The following IFI30 variants were observed in gnomAD, a reference collection of about 807,000 sequenced individuals.
The protein encoded by IFI30 is gamma-interferon-inducible lysosomal thiol reductase.
IFI30 carries 26 observed loss-of-function variants against 30.1 expected under a neutral mutation model. That is an observed-to-expected ratio of 0.87 (90% CI 0.63 to 1.20). IFI30 has a LOEUF of 1.20. Ranked by LOEUF, IFI30 falls within the 50% of genes most tolerant of loss-of-function variation. The pLI, the probability that IFI30 is intolerant of heterozygous loss-of-function variation, is 0.00. For synonymous variants in IFI30, 149 were observed against 134.5 expected (o/e 1.11, Z -0.75); for missense variants, 296 against 312.5 (o/e 0.95, Z 0.40).
intron 1 of IFI30, 171 bp downstream of exon 1, chr19:18,174,144 TC>T: frequency 1.6e-6 from 1 of 625,870 alleles, no homozygotes; most frequent in Non-Finnish European, 2.6e-6. Context: ...GCGGCCACAC[TC>T]CCTCCGTGCC....
In IFI30 at chr19:18,175,322, C is replaced by A; in HGVS notation, c.327C>A (p.Val109=). 6.3e-7 allele frequency: 1 copy of A among 1,590,700 alleles called. No individual in the cohort carries two copies. Among genetic ancestry groups the A allele is most frequent in the South Asian group, 1.1e-5 (1 of 87,382 alleles). ...CTGCTGCCTTGCAGGAACAAAATGTCAGTGGCAGGTGGGAGTTCAAGTGCC... is the reference window on the plus strand; with the variant it reads ...CTGCTGCCTTGCAGGAACAAAATGTAAGTGGCAGGTGGGAGTTCAAGTGCC... The part of the protein sequence containing the change: ...VPYGNAQEQN[V]SGRWEFKCQH... The change falls in exon 3 of 7, where the codon GTC becomes GTA. Residue 109 remains valine, a synonymous_variant. Transcript: ENST00000407280.
chr19:18,177,693 CT>C lies in IFI30; in HGVS notation c.637-17del. 1.2e-6 allele frequency: 2 copies of C among 1,613,410 alleles called. No individual in the cohort carries two copies. The highest frequency in any genetic ancestry group is 1.7e-6 in the Non-Finnish European group (2 of 1,179,688). On this transcript the variant is annotated splice_polypyrimidine_tract_variant and intron_variant, in intron 5 of 6. Transcript: ENST00000407280. ...GGTAGCTGCTGGGAATATGCGACCC[CT>C]GTCTTGCTTTGTGCAGAAACCCTTG...
intron 5 of IFI30, 91 bp from the exon 6 acceptor site, chr19:18,177,620 G>T: frequency 6.8e-7 from 1 of 1,465,402 alleles, no homozygotes; most frequent in Non-Finnish European, 9.4e-7. Flanking sequence ...GCCAGACTTG[G>T]GAATATGTGC....
At position 18,178,065 on chromosome 19, in the gene IFI30, C is replaced by A; in HGVS notation, c.*154C>A. 1 of 701,840 alleles carries A rather than the reference C, an allele frequency of 1.4e-6. No individual in the cohort carries two copies. Among genetic ancestry groups the A allele is most frequent in the South Asian group, 1.7e-5 (1 of 58,690 alleles). The allele number at this position is 701,840 out of a possible 1,614,324, so 43.5% of individuals were successfully genotyped here. A position where few individuals can be genotyped will look rare whatever the true frequency, so the allele number is the denominator to read the frequency against. On this transcript the variant is annotated 3_prime_UTR_variant, in exon 7 of 7. Coordinates refer to ENST00000407280, the MANE Select transcript of IFI30 (RefSeq NM_006332.5). ...GATACACAAAATTCCACCCCATGAT[C>A]AAGAATCCTGCTCCACTAAGAATGG... is the stretch of plus-strand genomic sequence containing the variant.
chr19:18,175,243 CTG>C (rs772958305), intron 2 of IFI30, 21 bp downstream of exon 2: 19 of 1,576,692 alleles, frequency 1.2e-5, no homozygotes, highest in African/African-American at 2.7e-5. Context: ...GCTGGGGAAA[CTG>C]AGGCACGTGG....
chr19:18,175,002 A>C (rs1967248974), intron 1 of IFI30, 38 bp from the exon 2 acceptor site: 1 of 1,573,838 alleles, frequency 6.4e-7, no homozygotes, highest in Non-Finnish European at 8.7e-7. Flanking sequence ...GGAACTGCCC[A>C]GGGCTACACC....
intron 4 of IFI30, 75 bp downstream of exon 4, chr19:18,175,772 A>C: frequency 9.1e-7 from 1 of 1,097,444 alleles, no homozygotes; most frequent in Non-Finnish European, 1.4e-6. Flanking sequence ...GCAGACCCAA[A>C]TTCAAGTCCT....
At chr19:18,176,764 C>G (rs1460086354) in intron 4 of IFI30, among the ~76,000 whole-genome samples, 1 of 152,138 alleles carries the variant, frequency 6.6e-6, no homozygotes, top group Non-Finnish European at 1.5e-5. Context: ...AGGGTTAGAT[C>G]AGGGCTGAGA....
In IFI30 at chr19:18,175,606, C is replaced by T. The variant is rs1045686375; in HGVS notation, c.392C>T (p.Ala131Val). 3.1e-6 allele frequency: 5 copies of T among 1,607,164 alleles called. No individual in the cohort carries two copies. The African/African-American group carries it at 5.3e-5, about 17-fold the overall frequency. The change falls in exon 4 of 7, where the codon GCC (alanine) becomes GTC (valine). Residue 131 changes from alanine (A) to valine (V), a missense_variant and splice_region_variant. Ala to Val is a moderately conservative substitution (Grantham distance 64). Coordinates refer to ENST00000407280, the MANE Select transcript of IFI30 (RefSeq NM_006332.5). ...EEECKFNKVEACVLDELDMEL... is the reference protein window; with the variant it reads ...EEECKFNKVEVCVLDELDMEL... Reference sequence around the variant, plus strand: ...TCCTGCCCCCTCTCCAAACCCCAGGCCTGCGTGTTGGATGAACTTGACATG... The same window carrying T: ...TCCTGCCCCCTCTCCAAACCCCAGGTCTGCGTGTTGGATGAACTTGACATG...
intron 4 of IFI30, among the ~76,000 whole-genome samples, chr19:18,176,612 G>T (rs1007090266): frequency 6.6e-6 from 1 of 152,162 alleles, no homozygotes; most frequent in African/African-American, 2.4e-5. Context: ...ATGTGGAGAT[G>T]ATAGGACAGA....
intron 1 of IFI30, chr19:18,174,821 G>A (rs893619857): frequency 3.8e-6 from 2 of 521,836 alleles, no homozygotes; most frequent in African/African-American, 1.9e-5. Flanking sequence ...GCAGTGAGCC[G>A]AGATCGTGCC....
Position 18,177,310 on chromosome 19 carries a change from C to T in IFI30, c.636+18C>T. On this transcript the variant is annotated intron_variant, in intron 5 of 6. Coordinates refer to ENST00000407280, the MANE Select transcript of IFI30 (RefSeq NM_006332.5). ...TCAATGGGGTAAGAATCTTTTTAGC[C>T]CTCAGCTTGACACTCATAGTCCCAT... The T allele has an allele frequency of 1.3e-6, 2 of 1,570,202 alleles. No homozygotes were observed. Among genetic ancestry groups the T allele is most frequent in the Non-Finnish European group, 8.6e-7 (1 of 1,157,234 alleles).
chr19:18,175,639 C>A lies in IFI30; in HGVS notation c.425C>A (p.Ala142Asp), dbSNP rs371344389. Residue 142 changes from alanine (A) to aspartate (D), a missense_variant, in exon 4 of 7, where the codon GCC becomes GAC. Physicochemically the swap from Ala to Asp is moderately radical, Grantham distance 126. Coordinates refer to ENST00000407280, the MANE Select transcript of IFI30 (RefSeq NM_006332.5). ...CVLDELDMELAFLTIVCMEEF... is the reference protein window; with the variant it reads ...CVLDELDMELDFLTIVCMEEF... The stretch of plus-strand genomic sequence containing the variant: ...TTGGATGAACTTGACATGGAGCTAG[C>A]CTTCCTGACCATTGTCTGCATGGAA... 3 of 1,610,870 alleles carry A rather than the reference C, an allele frequency of 1.9e-6. No individual in the cohort carries two copies. The highest frequency in any genetic ancestry group is 2.2e-5 in the South Asian group (2 of 90,254).
Position 18,176,998 on chromosome 19 carries a change from T to C in IFI30, c.484-142T>C. 6.9e-6 allele frequency: 6 copies of C among 867,184 alleles called. No individual in the cohort carries two copies. The South Asian group carries it at 1.1e-4, about 16-fold the overall frequency. The allele number at this position is 867,184 out of a possible 1,614,324, so 53.7% of individuals were successfully genotyped here. A position where few individuals can be genotyped will look rare whatever the true frequency, so the allele number is the denominator to read the frequency against. On this transcript the variant is annotated intron_variant, in intron 4 of 6. Transcript: ENST00000407280. ...TCAAGCATGTATTGAGCACCTGCTG[T>C]TTGTGGGCTTTGTCGCATCACTGTG...
chr19:18,175,433 C>A (rs769661323), intron 3 of IFI30, 48 bp downstream of exon 3: 1 of 1,531,176 alleles, frequency 6.5e-7, no homozygotes, highest in Non-Finnish European at 8.9e-7. Flanking sequence ...AACTGTCCCA[C>A]GTACAGGAGG....
In IFI30 at chr19:18,177,132, C is replaced by A. The variant is rs747594518; in HGVS notation, c.484-8C>A. On this transcript the variant is annotated splice_polypyrimidine_tract_variant and splice_region_variant and intron_variant, in intron 4 of 6. Coordinates refer to ENST00000407280, the MANE Select transcript of IFI30 (RefSeq NM_006332.5). ...GCTGAGGCAACCCCCTGCTCCCCAC[C>A]CACCCAGTGCCTGCAGCTCTACGCC... The A allele has an allele frequency of 6.5e-7, 1 of 1,542,012 alleles. No individual in the cohort carries two copies. The highest frequency in any genetic ancestry group is 1.2e-5 in the South Asian group (1 of 83,064).
At position 18,177,729 on chromosome 19, in the gene IFI30, A is replaced by C; in HGVS notation, c.655A>C (p.Thr219Pro). The C allele has an allele frequency of 6.2e-7, 1 of 1,613,762 alleles. No individual in the cohort carries two copies. The change falls in exon 6 of 7, where the codon ACC (threonine) becomes CCC (proline). Residue 219 changes from threonine (T) to proline (P), a missense_variant. Thr to Pro is a conservative substitution (Grantham distance 38). Coordinates refer to ENST00000407280, the MANE Select transcript of IFI30 (RefSeq NM_006332.5). ...TVNGKPLEDQ[T>P]QLLTLVCQLY... Reference sequence around the variant, plus strand: ...TGTGCAGAAACCCTTGGAAGATCAGACCCAGCTCCTTACCCTTGTCTGCCA... The same window carrying C: ...TGTGCAGAAACCCTTGGAAGATCAGCCCCAGCTCCTTACCCTTGTCTGCCA...
Position 18,174,718 on chromosome 19 carries a change from A to C in IFI30, c.133-322A>C, listed in dbSNP as rs1460395169. ...GAAACCCTGTCTCTACTAAAAATAC[A>C]AAAATTAGCTGGGTGTGGTGGCATG... On this transcript the variant is annotated intron_variant, in intron 1 of 6. Transcript: ENST00000407280. The C allele has an allele frequency of 1.2e-5, 3 of 251,350 alleles. No individual in the cohort carries two copies. In the East Asian group the frequency reaches 3.0e-4, roughly 25 times the overall value. The allele number at this position is 251,350 out of a possible 1,614,324, so 15.6% of individuals were successfully genotyped here. A position where few individuals can be genotyped will look rare whatever the true frequency, so the allele number is the denominator to read the frequency against.
At chr19:18,174,480 C>T (rs1376946259) in intron 1 of IFI30, 1 of 160,414 alleles carries the variant, frequency 6.2e-6, no homozygotes, top group Non-Finnish European at 1.4e-5. Context: ...AAGTCAGCAC[C>T]TATTAGGTGC....
Sources: gnomAD v4.1 joint callset for allele counts (sites outside exome capture counted in the v4.1 genomes callset) on GRCh38, gnomAD v4.1.1 for gene constraint, MANE v1.5 for transcripts, NCBI Gene and HGNC (gene_info 2026-07-23, HGNC 2026-07-21) for gene names.